SLC25A28: variants seen among roughly 807,000 people sequenced by gnomAD.
SLC25A28 encodes the protein mitoferrin-2.
SLC25A28 carries 10 observed loss-of-function variants against 31.9 expected under a neutral mutation model. The ratio of observed to expected loss-of-function variants is 0.31; its 90% CI spans 0.19 to 0.53. SLC25A28 has a LOEUF of 0.53. Ranked by LOEUF, SLC25A28 falls within the 20% of genes least tolerant of loss-of-function variation. The pLI is 0.95. For synonymous variants in SLC25A28, 208 were observed against 203.6 expected (o/e 1.02, Z -0.19); for missense variants, 256 against 490.3 (o/e 0.52, Z 4.51).
chr10:99,651,594 C>CTTTTTTTTTTTTTTTTTTTTTTTTTT, the SLC25A28 span, among the ~76,000 whole-genome samples: 1 of 110,174 alleles, frequency 9.1e-6, no homozygotes, highest in Non-Finnish European at 1.8e-5. Flanking sequence ...TTTTTCTTTT[C>CTTTTTTTTTTTTTTTTTTTTTTTTTT]TTTTTTTTTT....
chr10:99,645,578 G>C, the SLC25A28 span, among the ~76,000 whole-genome samples: 1 of 152,158 alleles, frequency 6.6e-6, no homozygotes, highest in African/African-American at 2.4e-5. Context: ...GTCATTCTCC[G>C]TCCAGCTTTG....
chr10:99,620,854 T>A, upstream of SLC25A28: 1 of 985,480 alleles, frequency 1.0e-6, no homozygotes, highest in Non-Finnish European at 1.2e-6. Context: ...CACTAGCGCC[T>A]GCAGAGCTGC....
upstream of SLC25A28, among the ~76,000 whole-genome samples, chr10:99,624,387 C>T (rs908078832): frequency 2.6e-5 from 4 of 152,092 alleles, no homozygotes; most frequent in Admixed American, 6.6e-5. Flanking sequence ...TGAGCCACCA[C>T]GCCTACCTAG....
the SLC25A28 span, among the ~76,000 whole-genome samples, chr10:99,635,850 G>A: frequency 6.6e-6 from 1 of 152,190 alleles, no homozygotes; most frequent in Non-Finnish European, 1.5e-5. Context: ...AAACTTTAAA[G>A]CAACAGTGGT....
rs1331301776 is a variant in SLC25A28, at chr10:99,620,270, G to A, written c.66C>T (p.Ser22=). 19 of 1,228,868 alleles carry A rather than the reference G, an allele frequency of 1.5e-5. No individual in the cohort carries two copies. The highest frequency in any genetic ancestry group is 1.8e-5 in the Non-Finnish European group (18 of 985,172). 76.1% of individuals were successfully genotyped at this position (1,228,868 alleles called of 1,614,324 possible). ...CGTCCAGCAGCGCCGACTCCCCGGG[G>A]CTCCGCCCGGGCCCTGCCGCCGGCC... ...AGGPAAGPGR[S]PGESALLDGW... is the part of the protein sequence containing the mutation. Residue 22 remains serine (S), a synonymous_variant, in exon 1 of 4, where the codon AGC becomes AGT. Transcript: ENST00000370495.
the SLC25A28 span, among the ~76,000 whole-genome samples, chr10:99,650,376 T>A: frequency 6.6e-6 from 1 of 152,110 alleles, no homozygotes; most frequent in Admixed American, 6.5e-5. Flanking sequence ...AATTGGGTCT[T>A]ACTATGTTGT....
chr10:99,632,823 T>G, the SLC25A28 span, among the ~76,000 whole-genome samples: 1 of 152,206 alleles, frequency 6.6e-6, no homozygotes, highest in Admixed American at 6.5e-5. Flanking sequence ...AATAACATCC[T>G]TACTTTGGGA....
At chr10:99,646,722 G>C in the SLC25A28 span, among the ~76,000 whole-genome samples, 2 of 152,162 alleles carry the variant, frequency 1.3e-5, no homozygotes, top group Non-Finnish European at 2.9e-5. Flanking sequence ...TTTCTTACAT[G>C]CATATATTGC....
chr10:99,614,923 G>C (rs2034611841), intron 1 of SLC25A28, among the ~76,000 whole-genome samples: 1 of 152,178 alleles, frequency 6.6e-6, no homozygotes. Context: ...CCTCTGATTT[G>C]TTTGCTAAAT....
At chr10:99,626,785 T>G in the SLC25A28 span, among the ~76,000 whole-genome samples, 40 of 150,394 alleles carry the variant, frequency 2.7e-4, no homozygotes, top group East Asian at 9.7e-4. Context: ...GAGCAGTGTT[T>G]TTTTTTTTTT....
chr10:99,620,400 G>A lies in SLC25A28; in HGVS notation c.-65C>T, dbSNP rs1466378902. The A allele has an allele frequency of 3.9e-5, 38 of 965,508 alleles. No homozygotes were observed. Among genetic ancestry groups the A allele is most frequent in the Non-Finnish European group, 4.5e-5 (37 of 830,554 alleles). 59.8% of individuals were successfully genotyped at this position (965,508 alleles called of 1,614,324 possible). A position where few individuals can be genotyped will look rare whatever the true frequency, so the allele number is the denominator to read the frequency against. Reference sequence around the variant, plus strand: ...GCCACCACTGCCGCCGCCGCCCCCCGGCCCCGTAGTGTCCGCCTCAGGCGC... The same window carrying A: ...GCCACCACTGCCGCCGCCGCCCCCCAGCCCCGTAGTGTCCGCCTCAGGCGC... On this transcript the variant is annotated 5_prime_UTR_variant, in exon 1 of 4. Coordinates refer to ENST00000370495, the MANE Select transcript of SLC25A28 (RefSeq NM_031212.4).
At chr10:99,647,198 C>T in the SLC25A28 span, among the ~76,000 whole-genome samples, 1 of 152,114 alleles carries the variant, frequency 6.6e-6, no homozygotes, top group African/African-American at 2.4e-5. Context: ...ATTGTTGGAT[C>T]GAATGGTACT....
rs1178639982 is a variant in SLC25A28, at chr10:99,611,180, G to A, written c.764C>T (p.Pro255Leu). ...GGAGCTTGGGTTGTACCGTCTCTGG[G>A]GGTTAAAGTGCTCCTGCAGGAATTC... ...TYEFLQEHFN[P>L]QRRYNPSSHV... Residue 255 changes from proline (P) to leucine (L), a missense_variant, in exon 4 of 4, where the codon CCC (proline) becomes CTC (leucine). By Grantham distance (98) the Pro-to-Leu change is moderately conservative (BLOSUM62 -3). Transcript: ENST00000370495. This position sits in a 1 kb window ranked among gnomAD's most constrained non-coding sequence, Gnocchi z 5.5. 2 of 1,614,038 alleles carry A rather than the reference G, an allele frequency of 1.2e-6. No homozygotes were observed. Among genetic ancestry groups the A allele is most frequent in the Admixed American group, 1.7e-5 (1 of 59,988 alleles).
At chr10:99,623,213 G>A (rs184093021), upstream of SLC25A28, among the ~76,000 whole-genome samples, 25 of 152,304 alleles carry the variant, frequency 1.6e-4, no homozygotes, top group Non-Finnish European at 2.4e-4. Flanking sequence ...TGGTGCATGA[G>A]GAACAGAAAG....
chr10:99,646,054 C>T, the SLC25A28 span, among the ~76,000 whole-genome samples: 1 of 152,204 alleles, frequency 6.6e-6, no homozygotes, highest in African/African-American at 2.4e-5. Flanking sequence ...AGATCTCAAA[C>T]TCCATGCTGG....
chr10:99,652,062 T>C, the SLC25A28 span: 2 of 152,236 alleles, frequency 1.3e-5, no homozygotes, highest in African/African-American at 4.8e-5. Context: ...TATTTCAAGT[T>C]AGTTTTTATA....
the SLC25A28 span, among the ~76,000 whole-genome samples, chr10:99,651,451 T>A: frequency 6.6e-6 from 1 of 152,200 alleles, no homozygotes; most frequent in Non-Finnish European, 1.5e-5. Flanking sequence ...ATTCTTTTCA[T>A]ATTCTAGATA....
the SLC25A28 span, among the ~76,000 whole-genome samples, chr10:99,636,728 G>C: frequency 6.6e-6 from 1 of 152,110 alleles, no homozygotes; most frequent in Non-Finnish European, 1.5e-5. Flanking sequence ...ATAACCCCTA[G>C]CTTAAGTCAG....
At chr10:99,618,699 G>A in intron 1 of SLC25A28, 4 of 985,296 alleles carry the variant, frequency 4.1e-6, no homozygotes, top group Non-Finnish European at 4.8e-6. Context: ...AATGGATATG[G>A]CCCTTGTTAG....
Sources: allele counts gnomAD v4.1 joint callset (sites outside exome capture counted in the v4.1 genomes callset), GRCh38; gene constraint gnomAD v4.1.1; non-coding constraint Gnocchi (gnomAD v3.1); transcripts MANE v1.5; gene names NCBI Gene and HGNC (gene_info 2026-07-23, HGNC 2026-07-21).